RAP1GAP: variants seen among roughly 807,000 people sequenced by gnomAD.
RAP1GAP encodes RAP1 GTPase activating protein, also known as rap1 GTPase-activating protein 1.
A neutral mutation model predicts 87.2 loss-of-function variants in RAP1GAP; 35 were observed. That is an observed-to-expected ratio of 0.40 (90% CI 0.31 to 0.53). The LOEUF is 0.53. RAP1GAP is among the 20% of genes least tolerant of loss of function. The probability of loss-of-function intolerance (pLI) is 0.48; values close to 1 mark genes in which losing one functional copy is unlikely to be tolerated. For missense variants in RAP1GAP, 734 were observed against 898.9 expected, an observed-to-expected ratio of 0.82 and a Z score of 2.35; for synonymous variants, 375 against 363.9, an observed-to-expected ratio of 1.03 and a Z score of -0.35.
intron 2 of RAP1GAP, among the ~76,000 whole-genome samples, chr1:21,641,190 G>A (rs144978531): frequency 2.8e-4 from 42 of 151,808 alleles, no homozygotes; most frequent in African/African-American, 9.9e-4. Flanking sequence ...CAGAGTGCTA[G>A]GATTACAGGC....
intron 2 of RAP1GAP, among the ~76,000 whole-genome samples, chr1:21,631,225 T>C (rs2093660143): frequency 6.6e-6 from 1 of 152,222 alleles, no homozygotes; most frequent in South Asian, 2.1e-4. Flanking sequence ...TTAAAATGCT[T>C]TGCATTCCTC....
At chr1:21,616,092 G>A (rs1470348818) in intron 7 of RAP1GAP, among the ~76,000 whole-genome samples, 1 of 150,288 alleles carries the variant, frequency 6.7e-6, no homozygotes, top group Non-Finnish European at 1.5e-5. Context: ...CCCAGACTGA[G>A]GTCACACATC....
At position 21,603,393 on chromosome 1, in the gene RAP1GAP, G is replaced by A. The variant is rs2070844685; in HGVS notation, c.1429-480C>T. ...ACTCCCCCAGCTTCCCACACACTGT[G>A]CTGGGATGCCCCAGGCCCCAGAAGC... On this transcript the variant is annotated intron_variant, in intron 18 of 24. Coordinates refer to ENST00000374765, the MANE Select transcript of RAP1GAP (RefSeq NM_002885.4). This position sits in a 1 kb window ranked among gnomAD's most constrained non-coding sequence, Gnocchi z 6.0. 1.9e-6 allele frequency: 1 copy of A among 538,026 alleles called. No individual in the cohort carries two copies. Among genetic ancestry groups the A allele is most frequent in the Non-Finnish European group, 3.3e-6 (1 of 301,240 alleles). The allele number at this position is 538,026 out of a possible 1,614,324, so 33.3% of individuals were successfully genotyped here. A position where few individuals can be genotyped will look rare whatever the true frequency, so the allele number is the denominator to read the frequency against.
intron 3 of RAP1GAP, 24 bp from the exon 4 acceptor site, chr1:21,620,074 G>A (rs371033479): frequency 1.4e-5 from 23 of 1,612,908 alleles, no homozygotes; most frequent in African/African-American, 9.3e-5. Flanking sequence ...AGGGGAGAGC[G>A]AGGTCAGCTG....
intron 5 of RAP1GAP, 114 bp downstream of exon 5, chr1:21,618,911 G>A: frequency 8.0e-7 from 1 of 1,255,760 alleles, no homozygotes; most frequent in Middle Eastern, 1.9e-4. Flanking sequence ...CTGGCACACT[G>A]TAAGACTACT....
At position 21,669,132 on chromosome 1, in the gene RAP1GAP, G is replaced by A. The variant is rs1182812064; in HGVS notation, c.-149+122C>T. The A allele has an allele frequency of 2.8e-6, 3 of 1,081,728 alleles. No homozygotes were observed. The highest frequency in any genetic ancestry group is 1.0e-4 in the East Asian group (1 of 9,986). The allele number at this position is 1,081,728 out of a possible 1,614,324, so 67.0% of individuals were successfully genotyped here. A position where few individuals can be genotyped will look rare whatever the true frequency, so the allele number is the denominator to read the frequency against. ...CCCTGGAGACCCGGGTCCCCCACGC[G>A]TTCGCCCCCACCCTCCGTCCCCGCC... On this transcript the variant is annotated intron_variant, in intron 1 of 24. Transcript: ENST00000374765. This position sits in a 1 kb window ranked among gnomAD's most constrained non-coding sequence, Gnocchi z 5.6.
chr1:21,662,596 G>A (rs1373946192), intron 1 of RAP1GAP, among the ~76,000 whole-genome samples: 2 of 152,108 alleles, frequency 1.3e-5, no homozygotes, highest in African/African-American at 2.4e-5. Flanking sequence ...TTAGGGCCTG[G>A]AAGCTTCAGG....
rs898461259 is a variant in RAP1GAP, at chr1:21,634,328, G to A, written c.-112-7931C>T. 2.0e-5 allele frequency among the ~76,000 whole-genome samples: 3 copies of A among 152,196 alleles called. No individual in the cohort carries two copies. Among genetic ancestry groups the A allele is most frequent in the Non-Finnish European group, 4.4e-5 (3 of 68,026 alleles). ...CCTCTCCTAGGACTCTAGAGGGAGC[G>A]TGGCGATGGGGTAGAGGAGCGGCAG... On this transcript the variant is annotated intron_variant, in intron 2 of 24. Coordinates refer to ENST00000374765, the MANE Select transcript of RAP1GAP (RefSeq NM_002885.4). The surrounding 1 kb of genome is among the most constrained non-coding windows in gnomAD (Gnocchi z 4.1).
Position 21,613,094 on chromosome 1 carries a change from G to A in RAP1GAP, c.528+82C>T, listed in dbSNP as rs1244606283. Reference sequence around the variant, plus strand: ...TGAGAGAACCTTGGGAAAGTATCTGGCACACAGAAGGTGCTTAATAAATGC... The same window carrying A: ...TGAGAGAACCTTGGGAAAGTATCTGACACACAGAAGGTGCTTAATAAATGC... On this transcript the variant is annotated intron_variant, in intron 10 of 24. Coordinates refer to ENST00000374765, the MANE Select transcript of RAP1GAP (RefSeq NM_002885.4). This position sits in a 1 kb window ranked among gnomAD's most constrained non-coding sequence, Gnocchi z 4.7. 2 of 1,371,912 alleles carry A rather than the reference G, an allele frequency of 1.5e-6. No homozygotes were observed. The highest frequency in any genetic ancestry group is 2.9e-5 in the African/African-American group (2 of 69,708). The allele number at this position is 1,371,912 out of a possible 1,614,324, so 85.0% of individuals were successfully genotyped here.
intron 19 of RAP1GAP, 72 bp from the exon 20 acceptor site, chr1:21,601,869 C>T (rs559803268): frequency 2.9e-5 from 31 of 1,085,696 alleles, no homozygotes; most frequent in East Asian, 2.5e-4. Context: ...GAGGCCCAGG[C>T]GGTGAGGGGA....
intron 1 of RAP1GAP, among the ~76,000 whole-genome samples, chr1:21,663,454 T>C (rs1274758526): frequency 6.6e-6 from 1 of 152,202 alleles, no homozygotes; most frequent in Non-Finnish European, 1.5e-5. Flanking sequence ...GGCCTTGTCC[T>C]GGCAGCCTCT....
chr1:21,613,981 C>G lies in RAP1GAP; in HGVS notation c.395+5G>C, dbSNP rs375546517. 6.3e-6 allele frequency: 10 copies of G among 1,595,358 alleles called. No homozygotes were observed. In the African/African-American group the frequency reaches 1.3e-4, roughly 21 times the overall value. ...GCCATCTCAGGACTCCCCCACCACC[C>G]TCACCTGAGCAGCAGCCGCAGGTGC... is the stretch of plus-strand genomic sequence containing the variant. On this transcript the variant is annotated splice_donor_5th_base_variant and intron_variant, in intron 8 of 24. Coordinates refer to ENST00000374765, the MANE Select transcript of RAP1GAP (RefSeq NM_002885.4). The surrounding 1 kb of genome is among the most constrained non-coding windows in gnomAD (Gnocchi z 4.7).
At chr1:21,620,412 C>T (rs1288186276) in intron 3 of RAP1GAP, among the ~76,000 whole-genome samples, 3 of 152,232 alleles carry the variant, frequency 2.0e-5, no homozygotes, top group Non-Finnish European at 4.4e-5. Context: ...CTTCTCCCCA[C>T]CTCTCCCGGA....
intron 2 of RAP1GAP, among the ~76,000 whole-genome samples, chr1:21,632,608 A>G (rs771126591): frequency 4.6e-5 from 7 of 152,358 alleles, no homozygotes; most frequent in Middle Eastern, 3.4e-3. Context: ...TCTGCAAAAC[A>G]GCAGGGTCAG....
chr1:21,612,112 G>A lies in RAP1GAP; in HGVS notation c.529-3C>T, dbSNP rs1256126451. On this transcript the variant is annotated splice_region_variant and splice_polypyrimidine_tract_variant and intron_variant, in intron 10 of 24. Coordinates refer to ENST00000374765, the MANE Select transcript of RAP1GAP (RefSeq NM_002885.4). ...AAGGTGACGATGAGCCGGGAAGCCT[G>A]CAGGAGAGGACGCCGGGTGAAGAGG... is the stretch of plus-strand genomic sequence containing the variant. 6.5e-7 allele frequency: 1 copy of A among 1,549,224 alleles called. No homozygotes were observed. Among genetic ancestry groups the A allele is most frequent in the South Asian group, 1.2e-5 (1 of 84,018 alleles).
intron 2 of RAP1GAP, 90 bp from the exon 3 acceptor site, chr1:21,626,487 G>A: frequency 1.8e-6 from 2 of 1,082,450 alleles, no homozygotes; most frequent in Non-Finnish European, 2.8e-6. Flanking sequence ...TGGGGGATGT[G>A]AGGGAGGATA....
chr1:21,652,369 G>A (rs1558890394), intron 1 of RAP1GAP, among the ~76,000 whole-genome samples: 1 of 152,212 alleles, frequency 6.6e-6, no homozygotes, highest in East Asian at 1.9e-4. Flanking sequence ...CGCACGTAAA[G>A]CGCTCGGCCC....
At position 21,613,107 on chromosome 1, in the gene RAP1GAP, G is replaced by C; in HGVS notation, c.528+69C>G. The C allele has an allele frequency of 6.9e-7, 1 of 1,440,458 alleles. No homozygotes were observed. The highest frequency in any genetic ancestry group is 9.8e-7 in the Non-Finnish European group (1 of 1,022,726). The allele number at this position is 1,440,458 out of a possible 1,614,324, so 89.2% of individuals were successfully genotyped here. On this transcript the variant is annotated intron_variant, in intron 10 of 24. Transcript: ENST00000374765. The surrounding 1 kb of genome is among the most constrained non-coding windows in gnomAD (Gnocchi z 4.7). ...GGAAAGTATCTGGCACACAGAAGGTGCTTAATAAATGCTCAGTCTTCCAGT... is the reference window on the plus strand; with the variant it reads ...GGAAAGTATCTGGCACACAGAAGGTCCTTAATAAATGCTCAGTCTTCCAGT...
At chr1:21,607,714 C>T (rs1364235055) in intron 17 of RAP1GAP, among the ~76,000 whole-genome samples, 1 of 152,120 alleles carries the variant, frequency 6.6e-6, no homozygotes, top group Admixed American at 6.5e-5. Flanking sequence ...CCAACAGTTA[C>T]TCCTCCCCAA....
Sources: allele counts gnomAD v4.1 joint callset (sites outside exome capture counted in the v4.1 genomes callset), GRCh38; gene constraint gnomAD v4.1.1; non-coding constraint Gnocchi (gnomAD v3.1); transcripts MANE v1.5; gene names NCBI Gene and HGNC (gene_info 2026-07-23, HGNC 2026-07-21).